ATL2: variants seen among roughly 807,000 people sequenced by gnomAD.
ATL2 encodes atlastin GTPase 2.
A neutral mutation model predicts 73.9 loss-of-function variants in ATL2; 31 were observed. That is an observed-to-expected ratio of 0.42 (90% CI 0.32 to 0.57). The LOEUF is 0.57. Among genes scored for constraint, ATL2 ranks in the 20% least tolerant of loss-of-function variants. ATL2 has a pLI of 0.14. For synonymous variants in ATL2, 291 were observed against 237.5 expected (o/e 1.23, Z -2.07); for missense variants, 738 against 702.6 (o/e 1.05, Z -0.57).
chr2:38,346,421 C>T (rs900610173), intron 1 of ATL2, among the ~76,000 whole-genome samples: 1 of 152,096 alleles, frequency 6.6e-6, no homozygotes. Flanking sequence ...CCTACACATG[C>T]TCTATAAGGT....
chr2:38,336,271 G>A (rs954258387), intron 2 of ATL2, among the ~76,000 whole-genome samples: 2 of 152,190 alleles, frequency 1.3e-5, no homozygotes, highest in Admixed American at 6.5e-5. Flanking sequence ...GTAGCAGTGC[G>A]TATGATTCTT....
At chr2:38,349,108 A>T (rs1191337562) in intron 1 of ATL2, among the ~76,000 whole-genome samples, 11 of 151,898 alleles carry the variant, frequency 7.2e-5, no homozygotes, top group Admixed American at 5.2e-4. Context: ...TGTGGAAGTC[A>T]GTGTGGCGAT....
chr2:38,346,784 CG>C (rs1670039681), intron 1 of ATL2, among the ~76,000 whole-genome samples: 1 of 152,156 alleles, frequency 6.6e-6, no homozygotes, highest in East Asian at 1.9e-4. Flanking sequence ...TAACAGGCCA[CG>C]GACGAGTACC....
chr2:38,358,075 C>A (rs1386122087), intron 1 of ATL2, among the ~76,000 whole-genome samples: 1 of 152,140 alleles, frequency 6.6e-6, no homozygotes, highest in South Asian at 2.1e-4. Context: ...GAGCTTGAAA[C>A]TGCATTATTA....
Position 38,344,482 on chromosome 2 carries a change from C to T in ATL2, c.119-970G>A, listed in dbSNP as rs548893740. Reference sequence around the variant, plus strand: ...AAAATTAGCTGGGCATGGTAGCGGGCGCCTGTAGTCCCAGCTACTTGGGAG... The same window carrying T: ...AAAATTAGCTGGGCATGGTAGCGGGTGCCTGTAGTCCCAGCTACTTGGGAG... On this transcript the variant is annotated intron_variant, in intron 1 of 12. Transcript: ENST00000378954. Among the ~76,000 whole-genome samples the T allele has an allele frequency of 6.6e-5, 10 of 152,056 alleles. No homozygotes were observed. The East Asian group carries it at 1.7e-3, about 26-fold the overall frequency.
At chr2:38,354,173 A>C (rs930993063) in intron 1 of ATL2, 1 of 425,544 alleles carries the variant, frequency 2.3e-6, no homozygotes, top group African/African-American at 2.6e-5. Flanking sequence ...CGACAGAGCA[A>C]GACTCTGTCT....
At position 38,360,916 on chromosome 2, in the gene ATL2, A is replaced by G. The variant is rs80026527; in HGVS notation, c.118+16227T>C. On this transcript the variant is annotated intron_variant, in intron 1 of 12. Coordinates refer to ENST00000378954, the MANE Select transcript of ATL2 (RefSeq NM_001135673.4). Reference sequence around the variant, plus strand: ...AACATGGTTCCTTGTTCACCAAAGTATTGTTGGTAACTACAAAAAAAAAAA... The same window carrying G: ...AACATGGTTCCTTGTTCACCAAAGTGTTGTTGGTAACTACAAAAAAAAAAA... Among the ~76,000 whole-genome samples, 1,055 of 148,972 alleles carry G rather than the reference A, an allele frequency of 7.1e-3. 11 individuals carry two copies. The highest frequency in any genetic ancestry group is 0.058 in the East Asian group (298 of 5,182).
chr2:38,351,054 G>A (rs1047351571), intron 1 of ATL2, among the ~76,000 whole-genome samples: 36 of 152,074 alleles, frequency 2.4e-4, no homozygotes, highest in Non-Finnish European at 2.6e-4. Context: ...CCTTTCAAAA[G>A]GAATGAAAAG....
intron 2 of ATL2, among the ~76,000 whole-genome samples, chr2:38,324,147 G>A (rs1475425591): frequency 2.6e-5 from 4 of 152,158 alleles, no homozygotes; most frequent in African/African-American, 9.7e-5. Context: ...GCATGGTGGT[G>A]CATGCCTGTA....
Position 38,298,539 on chromosome 2 carries a change from C to T in ATL2, c.1237G>A (p.Asp413Asn). 6.2e-7 allele frequency: 1 copy of T among 1,614,140 alleles called. No individual in the cohort carries two copies. The highest frequency in any genetic ancestry group is 1.1e-5 in the South Asian group (1 of 91,086). ...GGDKPYIAPS[D>N]LERKHLDLKE... ...AGATCCAAGTGTTTTCGCTCCAGAT[C>T]TGAAGGTGCAATGTAAGGCTTGTCC... Residue 413 changes from aspartate (D) to asparagine (N), a missense_variant, in exon 12 of 13, where the codon GAT (aspartate) becomes AAT (asparagine). Physicochemically the swap from Asp to Asn is conservative, Grantham distance 23. Coordinates refer to ENST00000378954, the MANE Select transcript of ATL2 (RefSeq NM_001135673.4).
intron 2 of ATL2, among the ~76,000 whole-genome samples, chr2:38,334,240 G>A (rs1283421007): frequency 6.6e-6 from 1 of 151,702 alleles, no homozygotes; most frequent in Admixed American, 6.6e-5. Flanking sequence ...ATGTTGGCCA[G>A]GCCGGTCTTG....
intron 6 of ATL2, 26 bp from the exon 7 acceptor site, chr2:38,313,269 T>C: frequency 6.5e-7 from 1 of 1,535,610 alleles, no homozygotes; most frequent in Non-Finnish European, 8.9e-7. Flanking sequence ...ATAAAAATTG[T>C]TTATTTTACA....
chr2:38,349,000 G>T (rs1414573408), intron 1 of ATL2, among the ~76,000 whole-genome samples: 1 of 151,594 alleles, frequency 6.6e-6, no homozygotes, highest in Admixed American at 6.6e-5. Context: ...TTAGAATGGC[G>T]ATCATTAAAA....
chr2:38,299,002 C>G (rs1573419779), intron 11 of ATL2, among the ~76,000 whole-genome samples: 1 of 152,142 alleles, frequency 6.6e-6, no homozygotes. Context: ...TAACAGCACT[C>G]TGAATCACAC....
chr2:38,307,653 A>C (rs1459244885), intron 9 of ATL2, among the ~76,000 whole-genome samples: 1 of 152,180 alleles, frequency 6.6e-6, no homozygotes, highest in Non-Finnish European at 1.5e-5. Flanking sequence ...TGCACATCAG[A>C]AAAGTGAAGA....
At chr2:38,358,777 T>C (rs1670835136) in intron 1 of ATL2, 1 of 154,018 alleles carries the variant, frequency 6.5e-6, no homozygotes, top group Non-Finnish European at 1.5e-5. Flanking sequence ...TATTAAACTA[T>C]TAGTCTAGCT....
intron 1 of ATL2, among the ~76,000 whole-genome samples, chr2:38,376,836 G>A (rs1170342936): frequency 2.0e-5 from 3 of 151,222 alleles, no homozygotes; most frequent in Non-Finnish European, 4.4e-5. Flanking sequence ...CCTAAGGTCG[G>A]GGCGGACACG....
intron 2 of ATL2, among the ~76,000 whole-genome samples, chr2:38,335,193 T>C (rs1219847998): frequency 1.3e-5 from 2 of 151,842 alleles, no homozygotes; most frequent in South Asian, 2.1e-4. Flanking sequence ...TGGCAATCCC[T>C]ACTAAAAGTA....
In ATL2 at chr2:38,307,179, G is replaced by A. The variant is rs1217517436; in HGVS notation, c.1071+2200C>T. Among the ~76,000 whole-genome samples the A allele has an allele frequency of 3.9e-5, 6 of 152,036 alleles. No individual in the cohort carries two copies. The South Asian group carries it at 8.3e-4, about 21-fold the overall frequency. ...TCGAGACCAGCCTGGCCAACATGGT[G>A]AAACCCTGTCTCTACTAAAAATACA... On this transcript the variant is annotated intron_variant, in intron 9 of 12. Coordinates refer to ENST00000378954, the MANE Select transcript of ATL2 (RefSeq NM_001135673.4).
Sources: allele counts gnomAD v4.1 joint callset (sites outside exome capture counted in the v4.1 genomes callset), GRCh38; gene constraint gnomAD v4.1.1; transcripts MANE v1.5; gene names NCBI Gene and HGNC (gene_info 2026-07-23, HGNC 2026-07-21).